TMEM132D: variants seen among roughly 807,000 people sequenced by gnomAD.
TMEM132D encodes transmembrane protein 132D, also known as mature OL transmembrane protein.
In TMEM132D, 21 loss-of-function variants were observed where a neutral mutation model predicts 62.3. The observed-to-expected ratio is 0.34, with a 90% confidence interval of 0.24 to 0.49. The LOEUF (loss-of-function observed/expected upper bound fraction) is 0.49, where lower values mean the gene tolerates loss of function less well. Ranked by LOEUF, TMEM132D falls within the 20% of genes least tolerant of loss-of-function variation. The pLI, the probability that TMEM132D is intolerant of heterozygous loss-of-function variation, is 0.99. For synonymous variants in TMEM132D, 621 were observed against 575.6 expected, an observed-to-expected ratio of 1.08 and a Z score of -1.13; for missense variants, 1,346 against 1,402.8, an observed-to-expected ratio of 0.96 and a Z score of 0.65.
intron 3 of TMEM132D, among the ~76,000 whole-genome samples, chr12:129,518,590 A>T (rs1427648640): frequency 1.3e-5 from 2 of 150,972 alleles, no homozygotes; most frequent in African/African-American, 2.4e-5. Context: ...CATATATATA[A>T]AAATATGCAC....
At chr12:129,346,715 C>T (rs1869696979) in intron 3 of TMEM132D, among the ~76,000 whole-genome samples, 1 of 152,168 alleles carries the variant, frequency 6.6e-6, no homozygotes, top group Non-Finnish European at 1.5e-5. Context: ...CCAGGGTAAT[C>T]AGGCAAGAGA....
intron 5 of TMEM132D, among the ~76,000 whole-genome samples, chr12:129,188,764 AGAGAGAGAGAGAG>A (rs1565991802): frequency 0.01 from 23 of 2,216 alleles, no homozygotes; most frequent in Non-Finnish European, 7.6e-3. Flanking sequence ...GGAGAGAGGG[AGAGAGAGAGAGAG>A]AGAGAGAGAG....
chr12:129,337,872 GCTTGGCAGAGAGTGGGCGGCC>G (rs1221578661), intron 3 of TMEM132D, 55 bp from the exon 4 acceptor site: 1 of 1,519,798 alleles, frequency 6.6e-7, no homozygotes, highest in African/African-American at 1.4e-5. Flanking sequence ...GGTATGGCAC[GCTTGGCAGAGAGTGGGCGGCC>G]CTTGGCCATT....
At chr12:129,646,698 G>T (rs1305371169) in intron 2 of TMEM132D, among the ~76,000 whole-genome samples, 1 of 151,912 alleles carries the variant, frequency 6.6e-6, no homozygotes, top group Non-Finnish European at 1.5e-5. Flanking sequence ...AAATGCGTGG[G>T]TATGCGTGTA....
chr12:129,260,112 G>A (rs944241526), intron 4 of TMEM132D, among the ~76,000 whole-genome samples: 1 of 152,170 alleles, frequency 6.6e-6, no homozygotes, highest in Non-Finnish European at 1.5e-5. Flanking sequence ...AGAGGAAAGA[G>A]TCTACCACAG....
rs116542834 is a variant in TMEM132D at position 129,219,913 on chromosome 12, C to T, written c.1300-10250G>A. Among the ~76,000 whole-genome samples, 1,349 of 152,228 alleles carry T rather than the reference C, an allele frequency of 8.9e-3. 20 individuals are homozygous for T. The highest frequency in any genetic ancestry group is 0.03 in the African/African-American group (1,253 of 41,536). ...CCTTGCACCTTTTGGGAGCACAGTT[C>T]GCCTCTGTCTGCCATTTCCAACATT... is the stretch of plus-strand genomic sequence containing the variant. On this transcript the variant is annotated intron_variant, in intron 4 of 8. Transcript: ENST00000422113.
At chr12:129,227,253 C>A (rs1478542304) in intron 4 of TMEM132D, among the ~76,000 whole-genome samples, 1 of 142,914 alleles carries the variant, frequency 7.0e-6, no homozygotes, top group African/African-American at 2.5e-5. Flanking sequence ...ATAACAATAA[C>A]TTCCTTTGAT....
chr12:129,081,971 G>T lies in TMEM132D; in HGVS notation c.1711C>A (p.Gln571Lys). ...DERRGRGCTL[Q>K]YQHAMVRVLT... ...ACCCGCACCATGGCGTGCTGGTACTGCAGGGTGCAGCCGCGGCCCCTCCGC... is the reference window on the plus strand; with the variant it reads ...ACCCGCACCATGGCGTGCTGGTACTTCAGGGTGCAGCCGCGGCCCCTCCGC... The change falls in exon 7 of 9, where the codon CAG becomes AAG. Residue 571 changes from glutamine (Q) to lysine (K), a missense_variant. By Grantham distance (53) the Gln-to-Lys change is moderately conservative (BLOSUM62 1). Transcript: ENST00000422113. 19 of 1,613,988 alleles carry T rather than the reference G, an allele frequency of 1.2e-5. No individual in the cohort carries two copies. The highest frequency in any genetic ancestry group is 2.2e-5 in the East Asian group (1 of 44,872).
chr12:129,150,088 C>A (rs1399553537), intron 5 of TMEM132D, among the ~76,000 whole-genome samples: 1 of 152,238 alleles, frequency 6.6e-6, no homozygotes, highest in Non-Finnish European at 1.5e-5. Flanking sequence ...GAAGGGTCAT[C>A]GTGTCCCAGA....
intron 5 of TMEM132D, among the ~76,000 whole-genome samples, chr12:129,089,168 T>A (rs113843899): frequency 3.2e-5 from 1 of 31,160 alleles, no homozygotes; most frequent in Non-Finnish European, 5.0e-5. Context: ...CCTGACCGGG[T>A]GTCCTCCATG....
At chr12:129,438,186 G>A (rs1175046691) in intron 3 of TMEM132D, among the ~76,000 whole-genome samples, 3 of 152,098 alleles carry the variant, frequency 2.0e-5, no homozygotes, top group African/African-American at 7.2e-5. Flanking sequence ...ATTGTGAATA[G>A]TGCTGCAATA....
At chr12:129,612,500 C>A (rs1878803278) in intron 2 of TMEM132D, among the ~76,000 whole-genome samples, 1 of 152,110 alleles carries the variant, frequency 6.6e-6, no homozygotes, top group Admixed American at 6.5e-5. Flanking sequence ...TTCGACAGGG[C>A]AATTTCCTTA....
chr12:129,804,456 T>C (rs1044337712), intron 1 of TMEM132D, among the ~76,000 whole-genome samples: 18 of 148,166 alleles, frequency 1.2e-4, no homozygotes, highest in Admixed American at 1.0e-3. Context: ...ATTATCTCAA[T>C]AGATGCAGAA....
intron 3 of TMEM132D, among the ~76,000 whole-genome samples, chr12:129,429,740 C>T (rs563899045): frequency 6.1e-5 from 8 of 131,840 alleles, no homozygotes; most frequent in East Asian, 5.5e-4. Flanking sequence ...CCCCCTCCCC[C>T]GACCCCACAA....
At chr12:129,403,163 C>G (rs758193213) in intron 3 of TMEM132D, among the ~76,000 whole-genome samples, 1 of 151,208 alleles carries the variant, frequency 6.6e-6, no homozygotes, top group Non-Finnish European at 1.5e-5. Context: ...CAAACCAACT[C>G]AGTGCCCAGA....
chr12:129,825,599 C>T (rs1401163507), intron 1 of TMEM132D, among the ~76,000 whole-genome samples: 3 of 152,134 alleles, frequency 2.0e-5, no homozygotes, highest in African/African-American at 7.2e-5. Flanking sequence ...TCTTCTCTGC[C>T]CCTTGCTGCA....
chr12:129,252,555 G>C (rs1173588649), intron 4 of TMEM132D, among the ~76,000 whole-genome samples: 1 of 152,172 alleles, frequency 6.6e-6, no homozygotes, highest in Non-Finnish European at 1.5e-5. Context: ...GGTGCTGAGA[G>C]GATGTGGAGA....
At chr12:129,302,939 G>A (rs1593329580) in intron 4 of TMEM132D, among the ~76,000 whole-genome samples, 1 of 152,218 alleles carries the variant, frequency 6.6e-6, no homozygotes, top group Non-Finnish European at 1.5e-5. Flanking sequence ...TTTCCTTGCT[G>A]TAAGGCTCTC....
At chr12:129,683,210 A>C (rs1218939412) in intron 2 of TMEM132D, 3 of 152,156 alleles carry the variant, frequency 2.0e-5, no homozygotes, top group African/African-American at 7.2e-5. Flanking sequence ...ATTTTCCAAC[A>C]CATGTGCTCT....
Sources: allele counts gnomAD v4.1 joint callset (sites outside exome capture counted in the v4.1 genomes callset), GRCh38; gene constraint gnomAD v4.1.1; transcripts MANE v1.5; gene names NCBI Gene and HGNC (gene_info 2026-07-23, HGNC 2026-07-21).